The following ADGRL2 variants were observed in gnomAD, a reference collection of about 807,000 sequenced individuals.
The protein encoded by ADGRL2 is calcium-independent alpha-latrotoxin receptor 2.
In ADGRL2, 44 loss-of-function variants were observed where a neutral mutation model predicts 157.4. The observed-to-expected ratio is 0.28, with a 90% confidence interval of 0.22 to 0.36. The LOEUF (loss-of-function observed/expected upper bound fraction) is 0.36, where lower values mean the gene tolerates loss of function less well. Ranked by LOEUF, ADGRL2 falls within the 10% of genes least tolerant of loss-of-function variation. ADGRL2 has a pLI of 1.00. For missense variants in ADGRL2, 1,510 were observed against 1,768.9 expected (o/e 0.85, Z 2.63); for synonymous variants, 585 against 624.7 (o/e 0.94, Z 0.95).
At chr1:81,608,880 C>G (rs2081485644) in intron 3 of ADGRL2, among the ~76,000 whole-genome samples, 3 of 151,992 alleles carry the variant, frequency 2.0e-5, no homozygotes, top group Admixed American at 6.6e-5. Context: ...TTTAAAATTA[C>G]TATTGAGCAC....
At chr1:81,657,716 A>T (rs1003600993) in intron 3 of ADGRL2, among the ~76,000 whole-genome samples, 3 of 152,142 alleles carry the variant, frequency 2.0e-5, no homozygotes, top group African/African-American at 7.2e-5. Context: ...AGAAACCCTG[A>T]TGTCATTTTT....
At chr1:81,966,952 A>G (rs1318754049) in intron 13 of ADGRL2, among the ~76,000 whole-genome samples, 1 of 152,300 alleles carries the variant, frequency 6.6e-6, no homozygotes, top group East Asian at 1.9e-4. Context: ...GCTGAGTATT[A>G]ACTCTTAGGA....
At chr1:81,490,559 C>T (rs2078610381) in intron 2 of ADGRL2, among the ~76,000 whole-genome samples, 1 of 152,168 alleles carries the variant, frequency 6.6e-6, no homozygotes, top group Non-Finnish European at 1.5e-5. Flanking sequence ...GTATTCTCAA[C>T]CTCATTAGCC....
Position 81,432,061 on chromosome 1 carries a change from A to G in ADGRL2, c.-301-12975A>G, listed in dbSNP as rs1164018511. 3.3e-5 allele frequency among the ~76,000 whole-genome samples: 5 copies of G among 152,258 alleles called. No individual in the cohort carries two copies. In the East Asian group the frequency reaches 9.6e-4, roughly 29 times the overall value. On this transcript the variant is annotated intron_variant, in intron 1 of 24. Transcript: ENST00000370721. The stretch of plus-strand genomic sequence containing the variant: ...AAAATTGTTCTTCAACAAATAATTT[A>G]GTACTGACCACACTTTAAAATGTTT...
chr1:81,542,038 TC>T (rs2079898301), intron 2 of ADGRL2, among the ~76,000 whole-genome samples: 1 of 152,170 alleles, frequency 6.6e-6, no homozygotes, highest in Admixed American at 6.6e-5. Context: ...GACTTAAAGG[TC>T]CTCGATGAAA....
chr1:81,721,701 C>T (rs1172326035), intron 1 of ADGRL2: 1 of 1,357,232 alleles, frequency 7.4e-7, no homozygotes, highest in Non-Finnish European at 1.0e-6. Context: ...CCATGGACCC[C>T]CCGCAAAGTG....
intron 19 of ADGRL2, among the ~76,000 whole-genome samples, 184 bp downstream of exon 19, chr1:81,982,160 A>G (rs985375912): frequency 7.9e-5 from 12 of 151,964 alleles, no homozygotes; most frequent in Admixed American, 7.2e-4. Context: ...AATACCAGTC[A>G]TCTTTTGTAT....
intron 1 of ADGRL2, among the ~76,000 whole-genome samples, chr1:81,348,052 C>T (rs549343675): frequency 6.6e-6 from 1 of 152,300 alleles, no homozygotes; most frequent in South Asian, 2.1e-4. Context: ...TTTGTTTCAG[C>T]CAACCAGGTA....
chr1:81,878,005 T>G (rs2151148370), intron 2 of ADGRL2, among the ~76,000 whole-genome samples: 1 of 152,272 alleles, frequency 6.6e-6, no homozygotes, highest in Non-Finnish European at 1.5e-5. Context: ...AATCCATAAT[T>G]TTCCATTTGT....
intron 2 of ADGRL2, among the ~76,000 whole-genome samples, chr1:81,776,301 G>A (rs1340690038): frequency 1.3e-5 from 2 of 151,064 alleles, no homozygotes; most frequent in Admixed American, 6.6e-5. Context: ...CAATTCTCCT[G>A]CCTCTGCCTC....
At chr1:81,675,151 G>A (rs2082959789) in intron 3 of ADGRL2, among the ~76,000 whole-genome samples, 1 of 152,102 alleles carries the variant, frequency 6.6e-6, no homozygotes, top group Non-Finnish European at 1.5e-5. Context: ...AGGAAAATTA[G>A]GTGGTCTCAA....
chr1:81,738,680 A>G (rs2084979167), intron 1 of ADGRL2, among the ~76,000 whole-genome samples: 3 of 152,272 alleles, frequency 2.0e-5, no homozygotes, highest in South Asian at 4.1e-4. Context: ...GCCTCTCCCT[A>G]TTCCATACAG....
chr1:81,678,302 G>A (rs2083037850), intron 3 of ADGRL2, among the ~76,000 whole-genome samples: 1 of 152,152 alleles, frequency 6.6e-6, no homozygotes, highest in African/African-American at 2.4e-5. Flanking sequence ...GTGTTATAAT[G>A]GGTTAGCTCA....
chr1:81,323,208 C>T lies in ADGRL2; in HGVS notation c.-302+16699C>T, dbSNP rs112614855. ...TGGCAAGCACTGTGCTTATGTATAA[C>T]ATAAACACAGAAAATAGAAAAGAAA... is the stretch of plus-strand genomic sequence containing the variant. On this transcript the variant is annotated intron_variant, in intron 1 of 24. Transcript: ENST00000370721. 2.5e-3 allele frequency among the ~76,000 whole-genome samples: 374 copies of T among 151,742 alleles called. 2 individuals carry two copies. Among genetic ancestry groups the T allele is most frequent in the African/African-American group, 8.6e-3 (354 of 41,372 alleles).
At chr1:81,513,600 C>T (rs1441529866) in intron 2 of ADGRL2, among the ~76,000 whole-genome samples, 2 of 152,026 alleles carry the variant, frequency 1.3e-5, no homozygotes, top group Non-Finnish European at 2.9e-5. Flanking sequence ...GGTTATACAG[C>T]CAGTAATGAA....
At chr1:81,660,492 C>G (rs575983608) in intron 3 of ADGRL2, among the ~76,000 whole-genome samples, 1 of 152,084 alleles carries the variant, frequency 6.6e-6, no homozygotes, top group South Asian at 2.1e-4. Flanking sequence ...CCTAACACCT[C>G]CAAAAGTAAA....
intron 2 of ADGRL2, among the ~76,000 whole-genome samples, chr1:81,537,472 G>A (rs2079769175): frequency 6.6e-6 from 1 of 151,550 alleles, no homozygotes; most frequent in Non-Finnish European, 1.5e-5. Context: ...TTTTAGTAGA[G>A]GCGGGGTTTC....
chr1:81,939,621 A>AT (rs1647206657), intron 4 of ADGRL2, among the ~76,000 whole-genome samples: 1 of 151,516 alleles, frequency 6.6e-6, no homozygotes, highest in Non-Finnish European at 1.5e-5. Context: ...TTGCATATCC[A>AT]TGTAGTCCTC....
intron 3 of ADGRL2, among the ~76,000 whole-genome samples, chr1:81,678,656 A>G (rs1490927817): frequency 6.6e-6 from 1 of 152,186 alleles, no homozygotes; most frequent in East Asian, 1.9e-4. Context: ...AGTGGCCTTT[A>G]TGTATGACTT....
Sources: gnomAD v4.1 joint callset for allele counts (sites outside exome capture counted in the v4.1 genomes callset) on GRCh38, gnomAD v4.1.1 for gene constraint, MANE v1.5 for transcripts, NCBI Gene and HGNC (gene_info 2026-07-23, HGNC 2026-07-21) for gene names.